NALF1: variants seen among roughly 807,000 people sequenced by gnomAD.
NALF1 encodes the protein family with sequence similarity 155 member A.
NALF1 carries 3 observed loss-of-function variants against 48.4 expected under a neutral mutation model. The ratio of observed to expected loss-of-function variants is 0.06; its 90% CI spans 0.03 to 0.16. The LOEUF (loss-of-function observed/expected upper bound fraction) is 0.16. NALF1 is among the 10% of genes least tolerant of loss of function. The pLI is 1.00. For missense variants in NALF1, 526 were observed against 571.5 expected (o/e 0.92, Z 0.81); for synonymous variants, 262 against 245.7 (o/e 1.07, Z -0.62).
intron 1 of NALF1, among the ~76,000 whole-genome samples, chr13:107,543,440 A>G (rs956407097): frequency 1.3e-5 from 2 of 152,102 alleles, no homozygotes; most frequent in African/African-American, 4.8e-5. Context: ...TTTTTATATA[A>G]AGAGGCAGTT....
intron 1 of NALF1, among the ~76,000 whole-genome samples, chr13:107,747,961 T>C (rs556619645): frequency 1.3e-5 from 2 of 152,316 alleles, no homozygotes; most frequent in African/African-American, 4.8e-5. Context: ...ATTTTCCCCA[T>C]TCTGATTACT....
chr13:107,363,186 C>T (rs1883095113), intron 1 of NALF1, among the ~76,000 whole-genome samples: 1 of 152,164 alleles, frequency 6.6e-6, no homozygotes, highest in African/African-American at 2.4e-5. Flanking sequence ...CTAACAGGCA[C>T]TAAACTTAGC....
At chr13:107,369,096 A>G (rs1366246222) in intron 1 of NALF1, among the ~76,000 whole-genome samples, 1 of 152,198 alleles carries the variant, frequency 6.6e-6, no homozygotes, top group African/African-American at 2.4e-5. Flanking sequence ...TTCTCCCAAG[A>G]AAGTAGAGCA....
chr13:107,164,965 C>G lies in NALF1; in HGVS notation c.*5532G>C, dbSNP rs747077227. The G allele has an allele frequency of 6.6e-6, 1 of 152,132 alleles. No homozygotes were observed. The highest frequency in any genetic ancestry group is 6.5e-5 in the Admixed American group (1 of 15,276). The allele number at this position is 152,132 out of a possible 1,614,324, so 9.4% of individuals were successfully genotyped here. On this transcript the variant is annotated 3_prime_UTR_variant, in exon 3 of 3. Transcript: ENST00000375915. ...GTCCAGGCACATTTATATTACTTAT[C>G]TCTTTTAAGCCTCCAATGTTGCCAC...
intron 1 of NALF1, among the ~76,000 whole-genome samples, chr13:107,229,693 C>A (rs1880179695): frequency 6.6e-6 from 1 of 152,128 alleles, no homozygotes; most frequent in Non-Finnish European, 1.5e-5. Flanking sequence ...TCCCCTCTCT[C>A]CACCCTGACT....
At chr13:107,442,314 T>C (rs1884574157) in intron 1 of NALF1, among the ~76,000 whole-genome samples, 2 of 152,194 alleles carry the variant, frequency 1.3e-5, no homozygotes, top group South Asian at 4.1e-4. Flanking sequence ...TTCACTGCTA[T>C]ATACAAGCAC....
intron 1 of NALF1, among the ~76,000 whole-genome samples, chr13:107,749,980 C>T (rs1275521530): frequency 7.2e-5 from 11 of 152,100 alleles, no homozygotes; most frequent in South Asian, 2.1e-4. Flanking sequence ...CGACAGTGCC[C>T]GGCTAATTTT....
rs374580201 is a variant in NALF1, at chr13:107,586,635, A to T, written c.915+279047T>A. 4.6e-4 allele frequency among the ~76,000 whole-genome samples: 43 copies of T among 93,100 alleles called. 1 individual carries two copies. Among genetic ancestry groups the T allele is most frequent in the South Asian group, 8.5e-4 (2 of 2,364 alleles). 61.1% of individuals were successfully genotyped at this position (93,100 alleles called of 152,430 possible). A position where few individuals can be genotyped will look rare whatever the true frequency, so the allele number is the denominator to read the frequency against. ...CTACATTTAAAGCTCCCCTATGGAG[A>T]TTTTTTTTTTTTTTGCTAGGAATGA... On this transcript the variant is annotated intron_variant, in intron 1 of 2. Transcript: ENST00000375915.
At chr13:107,616,358 T>C (rs1440277317) in intron 1 of NALF1, among the ~76,000 whole-genome samples, 2 of 152,188 alleles carry the variant, frequency 1.3e-5, no homozygotes, top group Non-Finnish European at 2.9e-5. Context: ...AGAGATCCCA[T>C]CACATTGCAT....
chr13:107,623,939 TATATGGAGATGTGTATA>T (rs1217582972), intron 1 of NALF1, among the ~76,000 whole-genome samples: 1 of 152,152 alleles, frequency 6.6e-6, no homozygotes, highest in African/African-American at 2.4e-5. Flanking sequence ...GATGAAAGTG[TATATGGAGATGTGTATA>T]ATATGTCAAA....
At chr13:107,497,295 G>A (rs952663435) in intron 1 of NALF1, among the ~76,000 whole-genome samples, 50 of 152,030 alleles carry the variant, frequency 3.3e-4, no homozygotes, top group Admixed American at 3.2e-3. Flanking sequence ...ACACTGATAT[G>A]AGTTTTACTG....
intron 1 of NALF1, among the ~76,000 whole-genome samples, chr13:107,663,900 C>G (rs780233399): frequency 2.6e-5 from 4 of 152,084 alleles, no homozygotes; most frequent in Non-Finnish European, 4.4e-5. Context: ...CTCCTCAACT[C>G]CTTAACTTCT....
At chr13:107,650,608 A>G (rs1384408462) in intron 1 of NALF1, among the ~76,000 whole-genome samples, 2 of 151,998 alleles carry the variant, frequency 1.3e-5, no homozygotes, top group African/African-American at 4.8e-5. Flanking sequence ...AAGGGAAAAA[A>G]ACTGCAAATA....
Position 107,696,451 on chromosome 13 carries a change from G to T in NALF1, c.915+169231C>A, listed in dbSNP as rs369485171. ...ACTGTATAAACACAGGCAGACAAGG[G>T]TAGCTTTAAGGACTTGGGAGTCAGA... is the stretch of plus-strand genomic sequence containing the variant. On this transcript the variant is annotated intron_variant, in intron 1 of 2. Coordinates refer to ENST00000375915, the MANE Select transcript of NALF1 (RefSeq NM_001080396.3). 1.1e-3 allele frequency among the ~76,000 whole-genome samples: 171 copies of T among 152,158 alleles called. 1 individual carries two copies. Among genetic ancestry groups the T allele is most frequent in the African/African-American group, 4.0e-3 (164 of 41,506 alleles).
intron 1 of NALF1, among the ~76,000 whole-genome samples, chr13:107,767,236 A>C (rs556361375): frequency 1.9e-4 from 29 of 152,150 alleles, no homozygotes; most frequent in Non-Finnish European, 3.4e-4. Context: ...AGTTTTTCTA[A>C]AGTTAAAGTC....
At chr13:107,185,387 C>T (rs1329063234) in intron 2 of NALF1, among the ~76,000 whole-genome samples, 1 of 143,656 alleles carries the variant, frequency 7.0e-6, no homozygotes, top group African/African-American at 2.6e-5. Flanking sequence ...CCCCCACCCC[C>T]GCCCCTCCCT....
intron 1 of NALF1, among the ~76,000 whole-genome samples, chr13:107,798,554 C>T (rs137894185): frequency 6.5e-4 from 99 of 152,220 alleles, no homozygotes; most frequent in African/African-American, 2.2e-3. Context: ...CTTCAGTTCT[C>T]GTGTTTGTGT....
At chr13:107,376,565 ACT>A (rs1340882548) in intron 1 of NALF1, among the ~76,000 whole-genome samples, 2 of 152,020 alleles carry the variant, frequency 1.3e-5, no homozygotes, top group African/African-American at 2.4e-5. Context: ...TGGCCAGAAG[ACT>A]CTCTGCAAAT....
At chr13:107,474,624 A>G (rs1336751642) in intron 1 of NALF1, among the ~76,000 whole-genome samples, 2 of 152,216 alleles carry the variant, frequency 1.3e-5, no homozygotes, top group African/African-American at 4.8e-5. Flanking sequence ...TGTTAAATGT[A>G]GGTGTTTATT....
Sources: gnomAD v4.1 joint callset for allele counts (sites outside exome capture counted in the v4.1 genomes callset) on GRCh38, gnomAD v4.1.1 for gene constraint, MANE v1.5 for transcripts, NCBI Gene and HGNC (gene_info 2026-07-23, HGNC 2026-07-21) for gene names.